Variants in PPIG observed in about 807,000 individuals in gnomAD.
PPIG encodes peptidyl-prolyl cis-trans isomerase G.
A neutral mutation model predicts 87.9 loss-of-function variants in PPIG; 26 were observed. That is an observed-to-expected ratio of 0.30 (90% confidence interval 0.22 to 0.41). The LOEUF (loss-of-function observed/expected upper bound fraction) is 0.41, where lower values mean the gene tolerates loss of function less well. Among genes scored for constraint, PPIG ranks in the 10% least tolerant of loss-of-function variants. The probability of loss-of-function intolerance (pLI) is 1.00; values close to 1 mark genes in which losing one functional copy is unlikely to be tolerated. For missense variants in PPIG, 722 were observed against 879.4 expected (o/e 0.82, Z 2.26); for synonymous variants, 308 against 276.5 (o/e 1.11, Z -1.13).
chr2:169,607,409 G>A (rs1008668859), intron 6 of PPIG, among the ~76,000 whole-genome samples: 1 of 152,064 alleles, frequency 6.6e-6, no homozygotes, highest in African/African-American at 2.4e-5. Context: ...TGATAGAATA[G>A]GAACTTCCGT....
chr2:169,585,004 A>G (rs968907093), intron 1 of PPIG: 3 of 160,864 alleles, frequency 1.9e-5, no homozygotes, highest in African/African-American at 2.4e-5. Context: ...ATTAAAATTG[A>G]AGACTAGCTT....
intron 1 of PPIG, among the ~76,000 whole-genome samples, chr2:169,598,412 T>A (rs1251850426): frequency 1.3e-5 from 2 of 152,128 alleles, no homozygotes; most frequent in African/African-American, 4.8e-5. Flanking sequence ...TGCCTCAGCC[T>A]CCTGAGTAGC....
At chr2:169,596,004 A>G (rs1470332681) in intron 1 of PPIG, among the ~76,000 whole-genome samples, 1 of 151,614 alleles carries the variant, frequency 6.6e-6, no homozygotes, top group East Asian at 1.9e-4. Flanking sequence ...GGGTTTCTCC[A>G]TGTTGGTCAG....
In PPIG at chr2:169,608,655, C is replaced by T. The variant is rs1685401605; in HGVS notation, c.290-16C>T. 6.3e-7 allele frequency: 1 copy of T among 1,577,036 alleles called. No individual in the cohort carries two copies. Among genetic ancestry groups the T allele is most frequent in the Non-Finnish European group, 8.7e-7 (1 of 1,148,132 alleles). On this transcript the variant is annotated splice_polypyrimidine_tract_variant and intron_variant, in intron 6 of 13. Coordinates refer to ENST00000260970, the MANE Select transcript of PPIG (RefSeq NM_004792.3). ...GTTATATCTATAATGTAACTGAAAA[C>T]TTTACTTCTCTATAGACGAGAGTTT...
At chr2:169,630,341 G>A (rs1376026237) in intron 9 of PPIG, among the ~76,000 whole-genome samples, 1 of 152,092 alleles carries the variant, frequency 6.6e-6, no homozygotes, top group Non-Finnish European at 1.5e-5. Flanking sequence ...GCCCATGCCA[G>A]TGAAATCCAT....
intron 1 of PPIG, among the ~76,000 whole-genome samples, chr2:169,587,400 C>T (rs937350866): frequency 6.6e-6 from 1 of 151,934 alleles, no homozygotes; most frequent in Non-Finnish European, 1.5e-5. Context: ...TGCCACCACA[C>T]CCAGCTGATT....
At chr2:169,632,762 T>TAATAATAATAATAAC (rs1483377610) in intron 11 of PPIG, among the ~76,000 whole-genome samples, 15 of 151,330 alleles carry the variant, frequency 9.9e-5, no homozygotes, top group African/African-American at 3.6e-4. Flanking sequence ...ATAATAATAA[T>TAATAATAATAATAAC]AATAACTATG....
chr2:169,608,853 C>T (rs917498384), intron 7 of PPIG, 95 bp downstream of exon 7: 32 of 746,132 alleles, frequency 4.3e-5, no homozygotes, highest in South Asian at 3.1e-4. Context: ...GAGGCTGAGG[C>T]GGGCGGATCA....
rs1209129578 is a variant in PPIG at position 169,630,819 on chromosome 2, C to T, written c.593C>T (p.Ser198Phe). Residue 198 changes from serine (S) to phenylalanine (F), a missense_variant, in exon 10 of 14, where the codon TCC (serine) becomes TTC (phenylalanine). Physicochemically the swap from Ser to Phe is radical, Grantham distance 155 (BLOSUM62 -2). Transcript: ENST00000260970. ...AGGCATAAATCATCATCATCTTCCTCCTCCTCATCTAGTGACTCAGATAGC... is the reference window on the plus strand; with the variant it reads ...AGGCATAAATCATCATCATCTTCCTTCTCCTCATCTAGTGACTCAGATAGC... ...KKRHKSSSSS[S>F]SSSSDSDSSS... 5 of 1,611,518 alleles carry T rather than the reference C, an allele frequency of 3.1e-6. No homozygotes were observed. The highest frequency in any genetic ancestry group is 1.1e-5 in the South Asian group (1 of 90,060).
intron 1 of PPIG, among the ~76,000 whole-genome samples, chr2:169,588,237 G>A (rs915515429): frequency 6.6e-6 from 1 of 151,916 alleles, no homozygotes; most frequent in Non-Finnish European, 1.5e-5. Flanking sequence ...GCATATTCGT[G>A]TGTGTGTGTG....
intron 9 of PPIG, among the ~76,000 whole-genome samples, chr2:169,620,274 C>G (rs1410671730): frequency 1.3e-5 from 2 of 151,868 alleles, no homozygotes; most frequent in African/African-American, 4.8e-5. Context: ...TTATAAGGGT[C>G]TGATTTTATT....
chr2:169,601,537 G>T (rs925889902), intron 1 of PPIG, among the ~76,000 whole-genome samples: 4 of 152,150 alleles, frequency 2.6e-5, no homozygotes, highest in Non-Finnish European at 4.4e-5. Flanking sequence ...CTAGGAATGG[G>T]CCTCTATAAG....
intron 9 of PPIG, among the ~76,000 whole-genome samples, chr2:169,619,628 CTCTT>C (rs937822197): frequency 1.3e-5 from 2 of 151,968 alleles, no homozygotes; most frequent in Non-Finnish European, 2.9e-5. Context: ...ATGTAATGCC[CTCTT>C]TCTGTTTTTG....
chr2:169,604,021 C>T lies in PPIG; in HGVS notation c.-16-5C>T. The T allele has an allele frequency of 6.2e-7, 1 of 1,609,426 alleles. No homozygotes were observed. Among genetic ancestry groups the T allele is most frequent in the East Asian group, 2.2e-5 (1 of 44,832 alleles). ...TGCTTGTCTGAAACTGTATTTTACT[C>T]ACAGATTAAGTATTGGAGCCATGGG... On this transcript the variant is annotated splice_polypyrimidine_tract_variant and splice_region_variant and intron_variant, in intron 2 of 13. Coordinates refer to ENST00000260970, the MANE Select transcript of PPIG (RefSeq NM_004792.3).
chr2:169,608,712 T>A lies in PPIG; in HGVS notation c.331T>A (p.Ser111Thr). ...TAAACACAACAAAGAATTTCTCTTG[T>A]CAATGGCCAACAGAGGGAAGGATAC... ...AVKHNKEFLL[S>T]MANRGKDTNG... The change falls in exon 7 of 14, where the codon TCA becomes ACA. Residue 111 changes from serine to threonine, a missense_variant. Transcript: ENST00000260970. 6.2e-7 allele frequency: 1 copy of A among 1,609,806 alleles called. No individual in the cohort carries two copies. Among genetic ancestry groups the A allele is most frequent in the South Asian group, 1.1e-5 (1 of 90,992 alleles).
At chr2:169,592,179 T>C (rs1684882442) in intron 1 of PPIG, among the ~76,000 whole-genome samples, 1 of 151,540 alleles carries the variant, frequency 6.6e-6, no homozygotes, top group Non-Finnish European at 1.5e-5. Context: ...AAGGGCTTAA[T>C]TTTCCCCTGA....
At chr2:169,584,727 G>A (rs935262718) in intron 1 of PPIG, 1 of 313,806 alleles carries the variant, frequency 3.2e-6, no homozygotes, top group African/African-American at 2.3e-5. Flanking sequence ...CCGGGGCCTG[G>A]GGACGGTCCT....
At chr2:169,634,220 C>G (rs1433711879) in intron 12 of PPIG, among the ~76,000 whole-genome samples, 1 of 152,082 alleles carries the variant, frequency 6.6e-6, no homozygotes, top group Non-Finnish European at 1.5e-5. Context: ...ATCACCACAT[C>G]TGGCTAATTT....
chr2:169,602,215 CA>C (rs1240120994), intron 1 of PPIG, among the ~76,000 whole-genome samples: 1 of 125,186 alleles, frequency 8.0e-6, no homozygotes, highest in Non-Finnish European at 1.8e-5. Context: ...GATAATATTC[CA>C]AAATTCAAAA....
Sources: gnomAD v4.1 joint callset for allele counts (sites outside exome capture counted in the v4.1 genomes callset) on GRCh38, gnomAD v4.1.1 for gene constraint, MANE v1.5 for transcripts, NCBI Gene and HGNC (gene_info 2026-07-23, HGNC 2026-07-21) for gene names.